LRRFIP1: variants seen among roughly 807,000 people sequenced by gnomAD.
LRRFIP1 encodes LRR binding FLII interacting protein 1.
LRRFIP1 carries 62 observed loss-of-function variants against 104.4 expected under a neutral mutation model. The observed-to-expected ratio is 0.59, with a 90% confidence interval of 0.48 to 0.73. LRRFIP1 has a LOEUF of 0.73. LRRFIP1 is among the 30% of genes least tolerant of loss of function. The pLI is 0.00. For missense variants in LRRFIP1, 796 were observed against 824.5 expected (o/e 0.97, Z 0.42); for synonymous variants, 300 against 299.0 (o/e 1.00, Z -0.03).
intron 2 of LRRFIP1, among the ~76,000 whole-genome samples, chr2:237,710,003 C>T (rs2093993745): frequency 6.6e-6 from 1 of 151,876 alleles, no homozygotes; most frequent in South Asian, 2.1e-4. Flanking sequence ...TAGGTGCGCA[C>T]CACCATGCCT....
At chr2:237,632,831 G>C (rs2082582916) in intron 1 of LRRFIP1, among the ~76,000 whole-genome samples, 1 of 152,040 alleles carries the variant, frequency 6.6e-6, no homozygotes, top group Admixed American at 6.5e-5. Context: ...GGTCCCCAAT[G>C]CAGTCCCTTG....
At chr2:237,760,251 A>G (rs2150819391) in intron 19 of LRRFIP1, 46 bp downstream of exon 19, 1 of 1,606,156 alleles carries the variant, frequency 6.2e-7, no homozygotes, top group African/African-American at 1.3e-5. Context: ...TCCACTCAGC[A>G]TTGGTTCACC....
At chr2:237,751,000 T>C (rs2058561536) in intron 13 of LRRFIP1, among the ~76,000 whole-genome samples, 200 bp from the exon 14 acceptor site, 1 of 152,170 alleles carries the variant, frequency 6.6e-6, no homozygotes, top group Non-Finnish European at 1.5e-5. Context: ...TTGTATAAAA[T>C]CATGTAAAAA....
intron 1 of LRRFIP1, chr2:237,692,149 G>T: frequency 1.0e-6 from 1 of 996,608 alleles, no homozygotes; most frequent in South Asian, 4.7e-5. Context: ...GGAACTGCGT[G>T]GGGGGCGGGG....
intron 19 of LRRFIP1, among the ~76,000 whole-genome samples, chr2:237,760,999 A>G (rs2059799334): frequency 6.6e-6 from 1 of 152,176 alleles, no homozygotes; most frequent in Admixed American, 6.5e-5. Flanking sequence ...CGTGCAAGTG[A>G]GGCCTCATCT....
intron 1 of LRRFIP1, among the ~76,000 whole-genome samples, chr2:237,666,807 C>CTCTTTCTCTTTCTTTCTTTT (rs2089409182): frequency 6.0e-5 from 9 of 148,918 alleles, no homozygotes; most frequent in African/African-American, 2.0e-4. Context: ...CTCTTTCTTT[C>CTCTTTCTCTTTCTTTCTTTT]TCTTTCTTTC....
chr2:237,739,705 C>T (rs1161026684), intron 11 of LRRFIP1, among the ~76,000 whole-genome samples: 1 of 152,212 alleles, frequency 6.6e-6, no homozygotes, highest in Non-Finnish European at 1.5e-5. Flanking sequence ...CGTTACCCTC[C>T]TGGTTCTCAG....
At position 237,675,830 on chromosome 2, in the gene LRRFIP1, T is replaced by A. The variant is rs140160362; in HGVS notation, c.97-32714T>A. Among the ~76,000 whole-genome samples the A allele has an allele frequency of 6.2e-3, 946 of 152,364 alleles. 5 individuals carry two copies. The highest frequency in any genetic ancestry group is 9.0e-3 in the Admixed American group (138 of 15,306). On this transcript the variant is annotated intron_variant, in intron 1 of 23. Coordinates refer to ENST00000308482, the MANE Select transcript of LRRFIP1 (RefSeq NM_001137550.2). ...GTTTATTTTTGCAGAGATATAATTGTCATAATCTTTGTCATAAGCATTTCC... is the reference window on the plus strand; with the variant it reads ...GTTTATTTTTGCAGAGATATAATTGACATAATCTTTGTCATAAGCATTTCC...
Position 237,689,394 on chromosome 2 carries a change from T to C in LRRFIP1, c.97-19150T>C, listed in dbSNP as rs2092618338. ...CTGGGCTGAAACCCAAGTCAGAATG[T>C]AGCATCCTCTCATCTAGAAGGGTGT... On this transcript the variant is annotated intron_variant, in intron 1 of 23. Transcript: ENST00000308482. Among the ~76,000 whole-genome samples the C allele has an allele frequency of 2.0e-5, 3 of 152,242 alleles. No homozygotes were observed. The South Asian group carries it at 6.2e-4, about 31-fold the overall frequency.
chr2:237,746,065 T>TA (rs1290985998), intron 11 of LRRFIP1, among the ~76,000 whole-genome samples: 205 of 149,962 alleles, frequency 1.4e-3, no homozygotes, highest in Non-Finnish European at 2.1e-3. Context: ...TTTATTTATT[T>TA]TTTTTTTTTT....
At chr2:237,645,333 C>T (rs2084702553) in intron 1 of LRRFIP1, among the ~76,000 whole-genome samples, 1 of 152,212 alleles carries the variant, frequency 6.6e-6, no homozygotes, top group Admixed American at 6.5e-5. Context: ...TGTCGTGGCT[C>T]AGCCCCGTGC....
rs1010351949 is a variant in LRRFIP1 at position 237,675,353 on chromosome 2, A to G, written c.97-33191A>G. Among the ~76,000 whole-genome samples, 5 of 152,340 alleles carry G rather than the reference A, an allele frequency of 3.3e-5. No homozygotes were observed. In the South Asian group the frequency reaches 8.3e-4, roughly 25 times the overall value. On this transcript the variant is annotated intron_variant, in intron 1 of 23. Coordinates refer to ENST00000308482, the MANE Select transcript of LRRFIP1 (RefSeq NM_001137550.2). ...CTGACTTGGCTCTGATTGATACACTATATCAGGATTTAAAAATATTTTTTG... is the reference window on the plus strand; with the variant it reads ...CTGACTTGGCTCTGATTGATACACTGTATCAGGATTTAAAAATATTTTTTG...
chr2:237,629,873 G>A lies in LRRFIP1; in HGVS notation c.96+2133G>A, dbSNP rs571027212. The stretch of plus-strand genomic sequence containing the variant: ...CCCTCCCACCGAGGGAGATGCAGTT[G>A]GAGTTACAGAGATAGACTTGTGAGT... On this transcript the variant is annotated intron_variant, in intron 1 of 23. Transcript: ENST00000308482. Among the ~76,000 whole-genome samples the A allele has an allele frequency of 4.6e-5, 7 of 152,272 alleles. No individual in the cohort carries two copies. The South Asian group carries it at 6.2e-4, about 14-fold the overall frequency.
At chr2:237,760,300 G>A in intron 19 of LRRFIP1, 95 bp downstream of exon 19, 2 of 1,340,832 alleles carry the variant, frequency 1.5e-6, no homozygotes, top group Non-Finnish European at 2.0e-6. Context: ...CGTCGCTGAT[G>A]GGTTAACAGT....
At chr2:237,639,478 T>C (rs1336510817) in intron 1 of LRRFIP1, among the ~76,000 whole-genome samples, 2 of 152,174 alleles carry the variant, frequency 1.3e-5, no homozygotes, top group African/African-American at 4.8e-5. Context: ...TACCATCAGA[T>C]TTTTCAAGCT....
At chr2:237,640,110 C>G (rs2083698123) in intron 1 of LRRFIP1, among the ~76,000 whole-genome samples, 1 of 152,206 alleles carries the variant, frequency 6.6e-6, no homozygotes, top group African/African-American at 2.4e-5. Context: ...AAAGCCCTAG[C>G]TGACCACATT....
intron 8 of LRRFIP1, among the ~76,000 whole-genome samples, chr2:237,732,625 A>G (rs1171149016): frequency 6.6e-6 from 1 of 152,252 alleles, no homozygotes; most frequent in East Asian, 1.9e-4. Flanking sequence ...TATATAGAAA[A>G]GGAGACTTAA....
At chr2:237,707,984 G>T (rs1426525892) in intron 1 of LRRFIP1, among the ~76,000 whole-genome samples, 1 of 152,318 alleles carries the variant, frequency 6.6e-6, no homozygotes, top group East Asian at 1.9e-4. Flanking sequence ...ACAGCAGTTC[G>T]CTGGGATTAC....
rs140171393 is a variant in LRRFIP1, at chr2:237,710,907, A to G, written c.183+2277A>G. Among the ~76,000 whole-genome samples, 1,139 of 152,256 alleles carry G rather than the reference A, an allele frequency of 7.5e-3. 13 individuals are homozygous for G. The highest frequency in any genetic ancestry group is 0.015 in the South Asian group (73 of 4,832). On this transcript the variant is annotated intron_variant, in intron 2 of 23. Coordinates refer to ENST00000308482, the MANE Select transcript of LRRFIP1 (RefSeq NM_001137550.2). ...TCCCAGCCACACGAAAAGAAAAATA[A>G]AAAATAAGCCAGGCGTGGTGGCATG... is the stretch of plus-strand genomic sequence containing the variant.
Sources: gnomAD v4.1 joint callset for allele counts (sites outside exome capture counted in the v4.1 genomes callset) on GRCh38, gnomAD v4.1.1 for gene constraint, MANE v1.5 for transcripts, NCBI Gene and HGNC (gene_info 2026-07-23, HGNC 2026-07-21) for gene names.